The following SWAP70 variants were observed in gnomAD, a reference collection of about 807,000 sequenced individuals.
SWAP70 encodes switch-associated protein 70.
Under a neutral mutation model 80.2 loss-of-function variants are expected in SWAP70, and 34 were observed. That is an observed-to-expected ratio of 0.42 (90% CI 0.32 to 0.56). The LOEUF is 0.56. SWAP70 is among the 20% of genes least tolerant of loss of function. The pLI, the probability that SWAP70 is intolerant of heterozygous loss-of-function variation, is 0.09. For synonymous variants in SWAP70, 239 were observed against 238.5 expected (o/e 1.00, Z -0.02); for missense variants, 578 against 690.7 (o/e 0.84, Z 1.83).
At chr11:9,705,080 GTA>G (rs2134460619) in intron 2 of SWAP70, among the ~76,000 whole-genome samples, 1 of 132,644 alleles carries the variant, frequency 7.5e-6, no homozygotes, top group African/African-American at 3.5e-5. Context: ...CTGGTGATCT[GTA>G]TGCACTGGTG....
intron 2 of SWAP70, among the ~76,000 whole-genome samples, chr11:9,701,190 G>A (rs1366011032): frequency 1.5e-5 from 2 of 131,644 alleles, no homozygotes; most frequent in Non-Finnish European, 1.6e-5. Context: ...TTTTTTTTTT[G>A]AGACAAGTCT....
intron 1 of SWAP70, among the ~76,000 whole-genome samples, chr11:9,671,127 AT>A (rs1048752923): frequency 6.6e-4 from 88 of 134,206 alleles, no homozygotes; most frequent in African/African-American, 2.4e-3. Flanking sequence ...ATATATAAAT[AT>A]ATTTATAAAT....
At chr11:9,728,239 T>A in intron 5 of SWAP70, 40 bp downstream of exon 5, 1 of 1,519,976 alleles carries the variant, frequency 6.6e-7, no homozygotes. Flanking sequence ...TACCCCGTGC[T>A]GCCCCCTGAT....
chr11:9,707,091 G>T (rs1284463916), intron 2 of SWAP70, among the ~76,000 whole-genome samples: 1 of 151,986 alleles, frequency 6.6e-6, no homozygotes, highest in Non-Finnish European at 1.5e-5. Context: ...TATACCTTGT[G>T]TGAAAACACT....
At chr11:9,708,555 GT>G (rs1850953239) in intron 2 of SWAP70, among the ~76,000 whole-genome samples, 2 of 152,160 alleles carry the variant, frequency 1.3e-5, no homozygotes, top group South Asian at 4.1e-4. Flanking sequence ...TCCTTGAACT[GT>G]TTTCCTACAG....
intron 1 of SWAP70, among the ~76,000 whole-genome samples, chr11:9,667,500 G>A (rs976483590): frequency 1.3e-5 from 2 of 152,076 alleles, no homozygotes; most frequent in South Asian, 2.1e-4. Context: ...ACATCCGCCC[G>A]CCTTGGCCTT....
intron 3 of SWAP70, among the ~76,000 whole-genome samples, chr11:9,721,095 C>T (rs919242085): frequency 2.6e-5 from 4 of 152,220 alleles, no homozygotes; most frequent in Admixed American, 6.5e-5. Context: ...GGATGACAGG[C>T]GTGAGCCACC....
intron 1 of SWAP70, among the ~76,000 whole-genome samples, chr11:9,681,723 G>A (rs1182639105): frequency 6.6e-6 from 1 of 152,218 alleles, no homozygotes; most frequent in Non-Finnish European, 1.5e-5. Context: ...AATACAGTGA[G>A]ATACAGAAGG....
intron 4 of SWAP70, among the ~76,000 whole-genome samples, chr11:9,725,563 ATATATATTTTTTTT>A (rs1286134953): frequency 5.9e-5 from 1 of 16,832 alleles, no homozygotes; most frequent in African/African-American, 2.9e-4. Flanking sequence ...ATATATATAT[ATATATATTTTTTTT>A]TTTTTTTTTT....
chr11:9,735,648 A>G (rs950871000), intron 7 of SWAP70, among the ~76,000 whole-genome samples: 1 of 152,220 alleles, frequency 6.6e-6, no homozygotes, highest in Non-Finnish European at 1.5e-5. Flanking sequence ...GGGTTTGGCA[A>G]TGCGGTGCTC....
intron 2 of SWAP70, among the ~76,000 whole-genome samples, chr11:9,698,393 G>A (rs891224224): frequency 6.6e-6 from 1 of 151,616 alleles, no homozygotes; most frequent in South Asian, 2.1e-4. Flanking sequence ...GAGCCACTGT[G>A]CCTGACCTGG....
At chr11:9,734,855 G>A (rs1851343941) in intron 7 of SWAP70, among the ~76,000 whole-genome samples, 1 of 152,056 alleles carries the variant, frequency 6.6e-6, no homozygotes, top group Admixed American at 6.6e-5. Context: ...AAACTCCTGG[G>A]TTCAAGCAAT....
intron 7 of SWAP70, among the ~76,000 whole-genome samples, chr11:9,735,124 T>C (rs1265562415): frequency 6.6e-6 from 1 of 152,188 alleles, no homozygotes; most frequent in Non-Finnish European, 1.5e-5. Context: ...GGTTCAAAAA[T>C]ATACAAATAT....
At chr11:9,699,712 C>A (rs1298659096) in intron 2 of SWAP70, among the ~76,000 whole-genome samples, 2 of 151,862 alleles carry the variant, frequency 1.3e-5, no homozygotes, top group Non-Finnish European at 2.9e-5. Context: ...AAAAATTAGC[C>A]AGGCTTGGTG....
At chr11:9,731,040 T>A (rs771187287) in intron 6 of SWAP70, among the ~76,000 whole-genome samples, 2 of 152,242 alleles carry the variant, frequency 1.3e-5, no homozygotes, top group Non-Finnish European at 2.9e-5. Context: ...TATTTGGTTT[T>A]CTGTTCTGCG....
chr11:9,667,001 G>C (rs1037331138), intron 1 of SWAP70, among the ~76,000 whole-genome samples: 1 of 151,836 alleles, frequency 6.6e-6, no homozygotes, highest in African/African-American at 2.4e-5. Context: ...GGGACTACAG[G>C]TGCCCGCTGC....
At chr11:9,685,854 G>A (rs1326204530) in intron 1 of SWAP70, among the ~76,000 whole-genome samples, 1 of 151,976 alleles carries the variant, frequency 6.6e-6, no homozygotes, top group Non-Finnish European at 1.5e-5. Context: ...GGATGGCCTC[G>A]ATCTCCTGAT....
At chr11:9,722,128 T>C (rs1160873071) in intron 3 of SWAP70, among the ~76,000 whole-genome samples, 1 of 152,326 alleles carries the variant, frequency 6.6e-6, no homozygotes, top group Non-Finnish European at 1.5e-5. Context: ...ATTAGTGGAG[T>C]ACCTACTATG....
At position 9,724,783 on chromosome 11, in the gene SWAP70, G is replaced by A; in HGVS notation, c.540G>A (p.Glu180=). Residue 180 remains glutamate, a synonymous_variant, in exon 4 of 12, where the codon GAG becomes GAA. Coordinates refer to ENST00000318950, the MANE Select transcript of SWAP70 (RefSeq NM_015055.4). The stretch of plus-strand genomic sequence containing the variant: ...GCCTTTCTGCATGGGAACTTATTGA[G>A]CTTATTGGAAATGGACAGTTTAGCA... ...KNGLSAWELI[E]LIGNGQFSKG... 1 of 1,614,026 alleles carries A rather than the reference G, an allele frequency of 6.2e-7. No homozygotes were observed. The highest frequency in any genetic ancestry group is 8.5e-7 in the Non-Finnish European group (1 of 1,179,956).
Sources: gnomAD v4.1 joint callset for allele counts (sites outside exome capture counted in the v4.1 genomes callset) on GRCh38, gnomAD v4.1.1 for gene constraint, MANE v1.5 for transcripts, NCBI Gene and HGNC (gene_info 2026-07-23, HGNC 2026-07-21) for gene names.